C5orf15: variants seen among roughly 807,000 people sequenced by gnomAD.
The protein encoded by C5orf15 is chromosome 5 open reading frame 15.
Under a neutral mutation model 17.8 loss-of-function variants are expected in C5orf15, and 10 were observed. The observed-to-expected ratio is 0.56, with a 90% CI of 0.35 to 0.95. The LOEUF (loss-of-function observed/expected upper bound fraction) is 0.95. Ranked by LOEUF, C5orf15 falls within the 40% of genes least tolerant of loss-of-function variation. The pLI, the probability that C5orf15 is intolerant of heterozygous loss-of-function variation, is 0.02. For missense variants in C5orf15, 319 were observed against 331.7 expected (o/e 0.96, Z 0.30); for synonymous variants, 124 against 131.0 (o/e 0.95, Z 0.36).
chr5:133,959,683 G>T lies in C5orf15; in HGVS notation c.477C>A (p.Pro159=). 1 of 1,613,356 alleles carries T rather than the reference G, an allele frequency of 6.2e-7. No homozygotes were observed. Among genetic ancestry groups the T allele is most frequent in the Non-Finnish European group, 8.5e-7 (1 of 1,179,736 alleles). ...TGTCATCAGACTCGTCGTCGTCCCT[G>T]GGGCCCGTGGTCCAGTCATAGTCTG... is the stretch of plus-strand genomic sequence containing the variant. ...GEPDYDWTTG[P]RDDDESDDTL... Residue 159 remains proline, a synonymous_variant, in exon 2 of 3, where the codon CCC becomes CCA. Coordinates refer to ENST00000231512, the MANE Select transcript of C5orf15 (RefSeq NM_020199.3).
At chr5:133,958,300 G>A (rs555694450) in intron 2 of C5orf15, among the ~76,000 whole-genome samples, 1 of 152,030 alleles carries the variant, frequency 6.6e-6, no homozygotes, top group African/African-American at 2.4e-5. Flanking sequence ...GAGATAGCTG[G>A]GTGCAGTGGC....
chr5:133,967,884 G>A (rs1423453044), intron 1 of C5orf15, among the ~76,000 whole-genome samples: 1 of 152,098 alleles, frequency 6.6e-6, no homozygotes, highest in Non-Finnish European at 1.5e-5. Context: ...CATTGGTTCA[G>A]TCCAGTCACT....
Position 133,968,516 on chromosome 5 carries a change from G to C in C5orf15, c.69C>G (p.Ile23Met). Residue 23 changes from isoleucine to methionine, a missense_variant, in exon 1 of 3, where the codon ATC (isoleucine) becomes ATG (methionine). By Grantham distance (10) the Ile-to-Met change is conservative. Transcript: ENST00000231512. ...GCCGCGCCAACCCCACAAGGGCTTGGATGGCCGACCCGGGCAGCAGTTTCG... is the reference window on the plus strand; with the variant it reads ...GCCGCGCCAACCCCACAAGGGCTTGCATGGCCGACCCGGGCAGCAGTTTCG... ...AQAKLLPGSA[I>M]QALVGLARPL... is the part of the protein sequence containing the mutation. The C allele has an allele frequency of 6.2e-7, 1 of 1,607,914 alleles. No individual in the cohort carries two copies. Among genetic ancestry groups the C allele is most frequent in the South Asian group, 1.1e-5 (1 of 89,846 alleles).
rs749420855 is a variant in C5orf15, at chr5:133,959,967, T to C, written c.193A>G (p.Thr65Ala). The change falls in exon 2 of 3, where the codon ACC (threonine) becomes GCC (alanine). Residue 65 changes from threonine (T) to alanine (A), a missense_variant. By Grantham distance (58) the Thr-to-Ala change is moderately conservative. This residue lies in a region of C5orf15 where 127 missense variants were observed against 95.6 expected (regional missense o/e 1.33). Transcript: ENST00000231512. ...TGTGTTAAAGCATTCACATTTGGGG[T>C]AGAAATATGTGAGTTGAGTACGGTT... ...SPTVLNSHISTPNVNALTHEN... is the reference protein window; with the variant it reads ...SPTVLNSHISAPNVNALTHEN... The C allele has an allele frequency of 1.9e-6, 3 of 1,613,796 alleles. No homozygotes were observed. Among genetic ancestry groups the C allele is most frequent in the Non-Finnish European group, 2.5e-6 (3 of 1,179,940 alleles).
rs1752140533 is a variant in C5orf15 at position 133,962,579 on chromosome 5, G to A, written c.140-2559C>T. On this transcript the variant is annotated intron_variant, in intron 1 of 2. Transcript: ENST00000231512. ...TAATGATCTTTAGCTCCTGGCTCTAGAGTTCACTCCATCTAAGACAAGTAC... is the reference window on the plus strand; with the variant it reads ...TAATGATCTTTAGCTCCTGGCTCTAAAGTTCACTCCATCTAAGACAAGTAC... Among the ~76,000 whole-genome samples, 8 of 152,228 alleles carry A rather than the reference G, an allele frequency of 5.3e-5. No homozygotes were observed. In the South Asian group the frequency reaches 1.7e-3, roughly 32 times the overall value.
Position 133,956,978 on chromosome 5 carries a change from C to A in C5orf15, c.679G>T (p.Val227Phe). The A allele has an allele frequency of 6.2e-7, 1 of 1,607,988 alleles. No homozygotes were observed. Among genetic ancestry groups the A allele is most frequent in the South Asian group, 1.1e-5 (1 of 88,998 alleles). Reference protein sequence around the residue: ...YHNKRKIFLLVQSRKWRDGLC... With the variant: ...YHNKRKIFLLFQSRKWRDGLC... ...CCATCACGCCATTTCCTGCTTTGAA[C>A]CAGAAGAAAAATCTGGAAAACAGAA... The change falls in exon 3 of 3, where the codon GTT becomes TTT. Residue 227 changes from valine to phenylalanine, a missense_variant. Val to Phe is a conservative substitution (Grantham distance 50). Transcript: ENST00000231512.
intron 1 of C5orf15, among the ~76,000 whole-genome samples, chr5:133,965,953 A>G (rs1299293568): frequency 6.6e-6 from 1 of 151,096 alleles, no homozygotes; most frequent in Non-Finnish European, 1.5e-5. Context: ...GGCTGGGCAC[A>G]GTGGCTCAGG....
intron 2 of C5orf15, among the ~76,000 whole-genome samples, chr5:133,958,954 CT>C (rs1349860254): frequency 6.6e-6 from 1 of 151,830 alleles, no homozygotes; most frequent in East Asian, 1.9e-4. Context: ...AGGACTATTT[CT>C]TTTTTTAGAA....
intron 2 of C5orf15, 58 bp downstream of exon 2, chr5:133,959,436 G>C: frequency 3.0e-6 from 1 of 335,704 alleles, no homozygotes. Flanking sequence ...AAAGAACCAT[G>C]AATCATCAAA....
chr5:133,965,856 C>T (rs1752183433), intron 1 of C5orf15, among the ~76,000 whole-genome samples: 2 of 152,146 alleles, frequency 1.3e-5, no homozygotes, highest in South Asian at 2.1e-4. Context: ...GCCCAGGAGG[C>T]GGAAGTTGCA....
rs953224614 is a variant in C5orf15, at chr5:133,958,901, T to TA, written c.666+592dup. On this transcript the variant is annotated intron_variant, in intron 2 of 2. Coordinates refer to ENST00000231512, the MANE Select transcript of C5orf15 (RefSeq NM_020199.3). Reference sequence around the variant, plus strand: ...GATGCCAAATTAAGACATAAACTCTTAAAAAAAAAATCACTGGGCTTTGGT... The same window carrying TA: ...GATGCCAAATTAAGACATAAACTCTTAAAAAAAAAAATCACTGGGCTTTGGT... Among the ~76,000 whole-genome samples, 735 of 150,112 alleles carry TA rather than the reference T, an allele frequency of 4.9e-3. 3 individuals are homozygous for TA. The highest frequency in any genetic ancestry group is 7.6e-3 in the Admixed American group (115 of 15,042).
At chr5:133,964,175 C>G (rs1752163373) in intron 1 of C5orf15, among the ~76,000 whole-genome samples, 1 of 152,096 alleles carries the variant, frequency 6.6e-6, no homozygotes, top group Non-Finnish European at 1.5e-5. Flanking sequence ...CGAGATCGTG[C>G]CATTGCACTC....
At chr5:133,963,733 G>A (rs1404603704) in intron 1 of C5orf15, among the ~76,000 whole-genome samples, 2 of 152,172 alleles carry the variant, frequency 1.3e-5, no homozygotes, top group African/African-American at 2.4e-5. Context: ...ACTACATGAT[G>A]TCCATAGAAA....
chr5:133,968,336 G>A (rs1752226007), intron 1 of C5orf15, 110 bp downstream of exon 1: 4 of 1,427,810 alleles, frequency 2.8e-6, no homozygotes, highest in Non-Finnish European at 1.9e-6. Context: ...ACCAGACACC[G>A]CCGTCTGCTC....
chr5:133,961,525 G>A (rs59570069), intron 1 of C5orf15, among the ~76,000 whole-genome samples: 8 of 132,704 alleles, frequency 6.0e-5, no homozygotes, highest in East Asian at 2.2e-4. Flanking sequence ...TAGCCTGGCC[G>A]ACAGAGCAAG....
intron 2 of C5orf15, among the ~76,000 whole-genome samples, chr5:133,957,837 A>C (rs1188382530): frequency 3.3e-5 from 5 of 152,270 alleles, no homozygotes; most frequent in Non-Finnish European, 5.9e-5. Flanking sequence ...GTTACAATAA[A>C]GTCAAGAACT....
chr5:133,957,169 A>G (rs1044523389), intron 2 of C5orf15, among the ~76,000 whole-genome samples, 179 bp from the exon 3 acceptor site: 1 of 152,176 alleles, frequency 6.6e-6, no homozygotes, highest in African/African-American at 2.4e-5. Flanking sequence ...GTCCGAGACC[A>G]GCCTAAGCAA....
At chr5:133,958,600 A>AC (rs1291504638) in intron 2 of C5orf15, among the ~76,000 whole-genome samples, 2 of 150,712 alleles carry the variant, frequency 1.3e-5, no homozygotes, top group African/African-American at 2.4e-5. Context: ...AAAAAAAAAA[A>AC]AAAACTCTGT....
At chr5:133,967,926 C>T (rs368209881) in intron 1 of C5orf15, among the ~76,000 whole-genome samples, 17 of 152,228 alleles carry the variant, frequency 1.1e-4, no homozygotes, top group African/African-American at 3.9e-4. Flanking sequence ...TCGGTCTTTA[C>T]CACTGACCTC....
Sources: gnomAD v4.1 joint callset for allele counts (sites outside exome capture counted in the v4.1 genomes callset) on GRCh38, gnomAD v4.1.1 for gene constraint, gnomAD v4.1.1 regional missense constraint, MANE v1.5 for transcripts, NCBI Gene and HGNC (gene_info 2026-07-23, HGNC 2026-07-21) for gene names.